Variants in PTPRD observed in about 807,000 individuals in gnomAD.
PTPRD encodes the protein receptor-type tyrosine-protein phosphatase delta.
In PTPRD, 34 loss-of-function variants were observed where a neutral mutation model predicts 214.5. That is an observed-to-expected ratio of 0.16 (90% confidence interval 0.12 to 0.21). The LOEUF is 0.21. PTPRD is among the 10% of genes least tolerant of loss of function. The probability of loss-of-function intolerance (pLI) is 1.00; values close to 1 mark genes in which losing one functional copy is unlikely to be tolerated. For synonymous variants in PTPRD, 1,128 were observed against 845.7 expected (o/e 1.33, Z -5.79); for missense variants, 2,545 against 2,398.7 (o/e 1.06, Z -1.27).
At chr9:9,421,165 A>G (rs981573473) in intron 8 of PTPRD, among the ~76,000 whole-genome samples, 2 of 152,050 alleles carry the variant, frequency 1.3e-5, no homozygotes, top group African/African-American at 4.8e-5. Flanking sequence ...CTCGAGAGCC[A>G]TAAACAATGG....
intron 9 of PTPRD, among the ~76,000 whole-genome samples, chr9:9,211,083 G>C (rs1275108989): frequency 1.4e-5 from 2 of 148,124 alleles, no homozygotes; most frequent in African/African-American, 5.2e-5. Flanking sequence ...GTGTGTGAGT[G>C]TGTGTGTGTG....
chr9:9,917,472 ATCCAGG>A (rs2081270376), intron 5 of PTPRD, among the ~76,000 whole-genome samples: 1 of 143,940 alleles, frequency 6.9e-6, no homozygotes. Flanking sequence ...AAAAAAAAAA[ATCCAGG>A]ACCAGATGTC....
intron 5 of PTPRD, among the ~76,000 whole-genome samples, chr9:9,914,213 G>T (rs1397350254): frequency 1.3e-5 from 2 of 152,172 alleles, no homozygotes; most frequent in Non-Finnish European, 2.9e-5. Context: ...CTATGTTCCT[G>T]CATTCAGGGT....
intron 3 of PTPRD, among the ~76,000 whole-genome samples, chr9:10,206,131 G>C (rs1297674231): frequency 6.6e-6 from 1 of 151,558 alleles, no homozygotes; most frequent in South Asian, 2.1e-4. Flanking sequence ...AAAATTAGGA[G>C]TTTGCAAGTA....
chr9:9,433,738 G>A (rs962227835), intron 8 of PTPRD, among the ~76,000 whole-genome samples: 21 of 151,974 alleles, frequency 1.4e-4, no homozygotes, highest in African/African-American at 4.6e-4. Context: ...TTTACAAGTC[G>A]CAAAAGAATA....
At chr9:9,622,526 C>G (rs2095280316) in intron 7 of PTPRD, among the ~76,000 whole-genome samples, 1 of 152,102 alleles carries the variant, frequency 6.6e-6, no homozygotes, top group African/African-American at 2.4e-5. Context: ...TCCACAAAAT[C>G]TCATACTAAC....
intron 7 of PTPRD, among the ~76,000 whole-genome samples, chr9:9,694,608 T>TA (rs1006575963): frequency 2.6e-5 from 4 of 151,808 alleles, no homozygotes; most frequent in African/African-American, 9.7e-5. Flanking sequence ...GGGATTAAAG[T>TA]AAAAAAACCT....
intron 10 of PTPRD, among the ~76,000 whole-genome samples, chr9:9,075,429 T>C (rs1266420297): frequency 1.3e-5 from 2 of 152,218 alleles, no homozygotes; most frequent in African/African-American, 2.4e-5. Flanking sequence ...ATTTTTATTA[T>C]ACTTTAAGTT....
At chr9:9,807,536 C>G (rs1041728179) in intron 5 of PTPRD, among the ~76,000 whole-genome samples, 4 of 152,114 alleles carry the variant, frequency 2.6e-5, no homozygotes, top group African/African-American at 9.7e-5. Flanking sequence ...TAAGCATTTT[C>G]CCATATGCCC....
intron 3 of PTPRD, among the ~76,000 whole-genome samples, chr9:10,277,169 G>C (rs10959004): frequency 0.31 from 46,231 of 151,268 alleles, 7,154 homozygotes; most frequent in Middle Eastern, 0.33. Context: ...TTGATCTTTT[G>C]GTTTAGTAAA....
At chr9:9,495,053 T>A (rs560379491) in intron 8 of PTPRD, among the ~76,000 whole-genome samples, 2 of 152,146 alleles carry the variant, frequency 1.3e-5, no homozygotes, top group East Asian at 3.9e-4. Context: ...ACCAAGAGCA[T>A]TCAATGGGGG....
At chr9:8,572,543 C>A (rs766356097) in intron 14 of PTPRD, among the ~76,000 whole-genome samples, 1 of 151,796 alleles carries the variant, frequency 6.6e-6, no homozygotes, top group South Asian at 2.1e-4. Flanking sequence ...TAATAGAAAG[C>A]TGAAATGAAG....
At chr9:9,862,551 G>T (rs1322262584) in intron 5 of PTPRD, among the ~76,000 whole-genome samples, 3 of 152,186 alleles carry the variant, frequency 2.0e-5, no homozygotes, top group African/African-American at 7.2e-5. Flanking sequence ...ACATGGCAAA[G>T]GCTTCAGAAA....
At chr9:9,167,328 TTGTGTGTGTG>T (rs147430665) in intron 10 of PTPRD, among the ~76,000 whole-genome samples, 2 of 145,588 alleles carry the variant, frequency 1.4e-5, no homozygotes, top group African/African-American at 2.5e-5. Context: ...TATATGGGGT[TTGTGTGTGTG>T]TGTGTGTGTG....
At chr9:9,734,158 G>A (rs951980500) in intron 7 of PTPRD, among the ~76,000 whole-genome samples, 2 of 152,040 alleles carry the variant, frequency 1.3e-5, no homozygotes, top group Non-Finnish European at 2.9e-5. Flanking sequence ...CTCATCTTTG[G>A]TTTTTATCTT....
intron 8 of PTPRD, among the ~76,000 whole-genome samples, chr9:9,477,739 G>C (rs897567037): frequency 1.2e-4 from 18 of 152,156 alleles, no homozygotes; most frequent in African/African-American, 4.3e-4. Flanking sequence ...ACATTATATG[G>C]TGCAAGAATG....
intron 5 of PTPRD, among the ~76,000 whole-genome samples, chr9:9,853,721 G>C (rs1471049251): frequency 6.6e-6 from 1 of 151,912 alleles, no homozygotes; most frequent in Non-Finnish European, 1.5e-5. Context: ...GCTAATGTTT[G>C]TATTTTTAGT....
At chr9:8,944,858 C>T (rs140161749) in intron 11 of PTPRD, among the ~76,000 whole-genome samples, 125 of 151,458 alleles carry the variant, frequency 8.3e-4, no homozygotes, top group African/African-American at 2.7e-3. Flanking sequence ...CTACAGTCAG[C>T]GATAATTTGT....
chr9:8,464,125 G>C (rs1232328272), intron 32 of PTPRD, among the ~76,000 whole-genome samples: 2 of 151,952 alleles, frequency 1.3e-5, no homozygotes, highest in East Asian at 3.9e-4. Flanking sequence ...GAAGACATCA[G>C]AAACCACAGT....
Sources: gnomAD v4.1 joint callset for allele counts (sites outside exome capture counted in the v4.1 genomes callset) on GRCh38, gnomAD v4.1.1 for gene constraint, MANE v1.5 for transcripts, NCBI Gene and HGNC (gene_info 2026-07-23, HGNC 2026-07-21) for gene names.